The following EPHA6 variants were observed in gnomAD, a reference collection of about 807,000 sequenced individuals.
The protein encoded by EPHA6 is ephrin type-A receptor 6.
Under a neutral mutation model 112.0 loss-of-function variants are expected in EPHA6, and 50 were observed. The ratio of observed to expected loss-of-function variants is 0.45; its 90% confidence interval spans 0.36 to 0.56. The LOEUF (loss-of-function observed/expected upper bound fraction) is 0.56. Ranked by LOEUF, EPHA6 falls within the 20% of genes least tolerant of loss-of-function variation. The pLI is 0.00. For synonymous variants in EPHA6, 529 were observed against 490.7 expected, an observed-to-expected ratio of 1.08 and a Z score of -1.03; for missense variants, 1,280 against 1,417.4, an observed-to-expected ratio of 0.90 and a Z score of 1.56.
rs74575724 is a variant in EPHA6, at chr3:96,878,616, C to T, written c.450+11727C>T. Among the ~76,000 whole-genome samples, 1,089 of 152,032 alleles carry T rather than the reference C, an allele frequency of 7.2e-3. 11 individuals carry two copies. Among genetic ancestry groups the T allele is most frequent in the African/African-American group, 0.025 (1,021 of 41,496 alleles). On this transcript the variant is annotated intron_variant, in intron 2 of 17. Coordinates refer to ENST00000389672, the MANE Select transcript of EPHA6 (RefSeq NM_001080448.3). ...TTTGAATGTAATATTGTACATTTGACAACAAAAGCTATTATGAGCTAATGT... is the reference window on the plus strand; with the variant it reads ...TTTGAATGTAATATTGTACATTTGATAACAAAAGCTATTATGAGCTAATGT...
intron 6 of EPHA6, among the ~76,000 whole-genome samples, chr3:97,446,775 T>C (rs1042746509): frequency 2.0e-5 from 3 of 152,290 alleles, no homozygotes; most frequent in Admixed American, 6.5e-5. Flanking sequence ...AAGTATTTTT[T>C]CTCCACAATA....
Position 97,138,760 on chromosome 3 carries a change from A to T in EPHA6, c.1115-87504A>T, listed in dbSNP as rs183735751. Among the ~76,000 whole-genome samples, 289 of 152,312 alleles carry T rather than the reference A, an allele frequency of 1.9e-3. 3 individuals are homozygous for T. Among genetic ancestry groups the T allele is most frequent in the Non-Finnish European group, 1.9e-3 (132 of 68,026 alleles). ...TGGCATGGGGGCTGAGTGCCCCTCC[A>T]TTCACGAGAATGGACTGAGAAGGGT... On this transcript the variant is annotated intron_variant, in intron 3 of 17. Coordinates refer to ENST00000389672, the MANE Select transcript of EPHA6 (RefSeq NM_001080448.3).
At chr3:97,010,476 A>G (rs971879216) in intron 3 of EPHA6, among the ~76,000 whole-genome samples, 11 of 152,184 alleles carry the variant, frequency 7.2e-5, no homozygotes, top group African/African-American at 2.7e-4. Flanking sequence ...CCTCTGCCCT[A>G]TAAGCAAATT....
At chr3:97,321,710 T>A (rs2082129627) in intron 5 of EPHA6, among the ~76,000 whole-genome samples, 2 of 151,932 alleles carry the variant, frequency 1.3e-5, no homozygotes, top group Non-Finnish European at 2.9e-5. Flanking sequence ...GGACTTCTAT[T>A]GAATTGTGAA....
intron 5 of EPHA6, among the ~76,000 whole-genome samples, chr3:97,398,649 A>G (rs980346453): frequency 6.6e-6 from 1 of 151,492 alleles, no homozygotes; most frequent in Non-Finnish European, 1.5e-5. Context: ...CATATCTCAA[A>G]AACTTATGTT....
intron 5 of EPHA6, among the ~76,000 whole-genome samples, chr3:97,354,806 T>C (rs542919226): frequency 9.9e-5 from 15 of 152,250 alleles, no homozygotes; most frequent in Admixed American, 3.9e-4. Context: ...TCACAAGGCA[T>C]TTAGTAATCC....
intron 14 of EPHA6, among the ~76,000 whole-genome samples, chr3:97,692,582 A>AT: frequency 6.6e-6 from 1 of 152,180 alleles, no homozygotes; most frequent in South Asian, 2.1e-4. Context: ...CCTCACTGCC[A>AT]TTTTCTGAAT....
At chr3:97,047,807 A>T (rs909747749) in intron 3 of EPHA6, among the ~76,000 whole-genome samples, 1 of 152,148 alleles carries the variant, frequency 6.6e-6, no homozygotes, top group East Asian at 1.9e-4. Context: ...ACTAAAAACC[A>T]TATCAAGACA....
chr3:97,673,076 A>T (rs2031008620), intron 14 of EPHA6, among the ~76,000 whole-genome samples: 2 of 152,224 alleles, frequency 1.3e-5, no homozygotes, highest in African/African-American at 2.4e-5. Context: ...CTGCCTATTA[A>T]TAGAACTCTG....
chr3:96,869,111 C>A (rs2036493992), intron 2 of EPHA6, among the ~76,000 whole-genome samples: 1 of 151,978 alleles, frequency 6.6e-6, no homozygotes, highest in Non-Finnish European at 1.5e-5. Context: ...TTAAAATATA[C>A]TTTTTCTTTT....
intron 11 of EPHA6, among the ~76,000 whole-genome samples, chr3:97,578,927 C>T (rs1268618067): frequency 6.6e-6 from 1 of 152,060 alleles, no homozygotes; most frequent in Non-Finnish European, 1.5e-5. Context: ...GAATGCTTGC[C>T]CTTATGCAAC....
At chr3:97,295,254 C>G (rs1448259681) in intron 5 of EPHA6, among the ~76,000 whole-genome samples, 1 of 151,908 alleles carries the variant, frequency 6.6e-6, no homozygotes, top group Non-Finnish European at 1.5e-5. Context: ...GTCACATAGA[C>G]TTTTTTCATG....
At chr3:96,973,512 AAATCTGTACTATTAAG>A (rs2042395263) in intron 2 of EPHA6, among the ~76,000 whole-genome samples, 1 of 152,056 alleles carries the variant, frequency 6.6e-6, no homozygotes, top group South Asian at 2.1e-4. Context: ...ATCTGTCATT[AAATCTGTACTATTAAG>A]AATCTCTATA....
chr3:97,244,275 A>G lies in EPHA6; in HGVS notation c.1594A>G (p.Thr532Ala). The change falls in exon 5 of 18, where the codon ACG becomes GCG. Residue 532 changes from threonine (T) to alanine (A), a missense_variant. By Grantham distance (58) the Thr-to-Ala change is moderately conservative. This residue lies in a region of EPHA6 where 878 missense variants were observed against 999.7 expected (regional missense o/e 0.88). Coordinates refer to ENST00000389672, the MANE Select transcript of EPHA6 (RefSeq NM_001080448.3). ...GCCATTCACAGCTATTACAGTGACC[A>G]CGGATCAAGATGGTAAGTTCCACTG... ...PKPFTAITVTTDQDAPSLIGV... is the reference protein window; with the variant it reads ...PKPFTAITVTADQDAPSLIGV... 1 of 1,613,050 alleles carries G rather than the reference A, an allele frequency of 6.2e-7. No homozygotes were observed. Among genetic ancestry groups the G allele is most frequent in the Non-Finnish European group, 8.5e-7 (1 of 1,179,324 alleles).
At chr3:97,221,252 G>A (rs1256534392) in intron 3 of EPHA6, among the ~76,000 whole-genome samples, 1 of 144,576 alleles carries the variant, frequency 6.9e-6, no homozygotes, top group African/African-American at 2.6e-5. Context: ...GAAGGTTGTG[G>A]TGAGCCGAGA....
At chr3:97,234,897 C>T (rs534448343) in intron 4 of EPHA6, among the ~76,000 whole-genome samples, 27 of 152,156 alleles carry the variant, frequency 1.8e-4, no homozygotes, top group Non-Finnish European at 1.5e-5. Context: ...ACCTGTATGT[C>T]CTATGGAAAC....
At chr3:97,367,637 C>T (rs1225942999) in intron 5 of EPHA6, among the ~76,000 whole-genome samples, 2 of 151,864 alleles carry the variant, frequency 1.3e-5, no homozygotes, top group East Asian at 1.9e-4. Context: ...ACAACTTGCT[C>T]ACACCTTCGT....
intron 3 of EPHA6, among the ~76,000 whole-genome samples, chr3:97,075,958 C>T (rs1222842001): frequency 1.3e-5 from 2 of 152,012 alleles, no homozygotes; most frequent in Admixed American, 6.6e-5. Context: ...ATTCTGACTA[C>T]TCTACCATCT....
chr3:97,653,304 A>G (rs1382807145), intron 14 of EPHA6, among the ~76,000 whole-genome samples: 1 of 151,968 alleles, frequency 6.6e-6, no homozygotes, highest in Non-Finnish European at 1.5e-5. Context: ...GAACTCATAC[A>G]ACTCAATAAT....
Sources: allele counts gnomAD v4.1 joint callset (sites outside exome capture counted in the v4.1 genomes callset), GRCh38; gene constraint gnomAD v4.1.1; regional missense constraint gnomAD v4.1.1; transcripts MANE v1.5; gene names NCBI Gene and HGNC (gene_info 2026-07-23, HGNC 2026-07-21).